Variants in MAGI3 observed in about 807,000 individuals in gnomAD.
The protein encoded by MAGI3 is membrane-associated guanylate kinase, WW and PDZ domain-containing protein 3.
Under a neutral mutation model 121.8 loss-of-function variants are expected in MAGI3, and 43 were observed. That is an observed-to-expected ratio of 0.35 (90% CI 0.28 to 0.46). The LOEUF (loss-of-function observed/expected upper bound fraction) is 0.46, where lower values mean the gene tolerates loss of function less well. Ranked by LOEUF, MAGI3 falls within the 20% of genes least tolerant of loss-of-function variation. The probability of loss-of-function intolerance (pLI) is 1.00; values close to 1 mark genes in which losing one functional copy is unlikely to be tolerated. For synonymous variants in MAGI3, 553 were observed against 639.3 expected, an observed-to-expected ratio of 0.86 and a Z score of 2.04; for missense variants, 1,547 against 1,797.3, an observed-to-expected ratio of 0.86 and a Z score of 2.52.
chr1:113,636,176 C>A (rs1007970663), intron 9 of MAGI3, among the ~76,000 whole-genome samples: 6 of 152,018 alleles, frequency 3.9e-5, no homozygotes, highest in African/African-American at 1.5e-4. Flanking sequence ...TTCAAAAAAC[C>A]AGCTCCTGGA....
chr1:113,551,378 G>GA (rs1195965670), intron 2 of MAGI3, among the ~76,000 whole-genome samples: 2 of 152,082 alleles, frequency 1.3e-5, no homozygotes, highest in South Asian at 4.1e-4. Context: ...ATAGGAAAGG[G>GA]AAAAAAATTT....
chr1:113,572,440 A>G (rs776112055), intron 2 of MAGI3, among the ~76,000 whole-genome samples: 13 of 151,832 alleles, frequency 8.6e-5, no homozygotes, highest in South Asian at 2.1e-4. Context: ...CTCTTTTTCT[A>G]TTGTTTGGAA....
At chr1:113,437,960 T>TGA in intron 1 of MAGI3, among the ~76,000 whole-genome samples, 1 of 148,552 alleles carries the variant, frequency 6.7e-6, no homozygotes, top group South Asian at 2.2e-4. Context: ...CTTCTTCTTT[T>TGA]CTTTTTTGAA....
intron 1 of MAGI3, among the ~76,000 whole-genome samples, chr1:113,530,989 T>C (rs1557806568): frequency 6.6e-6 from 1 of 152,166 alleles, no homozygotes; most frequent in African/African-American, 2.4e-5. Context: ...GAATATATTA[T>C]TTAAATGCAG....
At chr1:113,438,818 A>G (rs1057253028) in intron 1 of MAGI3, among the ~76,000 whole-genome samples, 1 of 152,234 alleles carries the variant, frequency 6.6e-6, no homozygotes, top group Non-Finnish European at 1.5e-5. Flanking sequence ...TCTAAACTCT[A>G]TCAGGTGCAG....
At chr1:113,581,025 GTAC>G (rs1278342029) in intron 3 of MAGI3, 2 of 153,612 alleles carry the variant, frequency 1.3e-5, no homozygotes, top group African/African-American at 4.8e-5. Context: ...AAACTTACAT[GTAC>G]CTTGACTATC....
chr1:113,568,812 G>A (rs1660537538), intron 2 of MAGI3, among the ~76,000 whole-genome samples: 1 of 152,006 alleles, frequency 6.6e-6, no homozygotes, highest in Non-Finnish European at 1.5e-5. Context: ...AAAGTCCTAG[G>A]TGTGAAAGGC....
At chr1:113,633,237 CATT>C (rs1651765981) in intron 9 of MAGI3, among the ~76,000 whole-genome samples, 18 of 91,956 alleles carry the variant, frequency 2.0e-4, no homozygotes, top group African/African-American at 7.4e-4. Context: ...ATGAACTCAT[CATT>C]TTTTTTTTTT....
chr1:113,644,101 G>C (rs925000991), intron 11 of MAGI3, among the ~76,000 whole-genome samples: 2 of 152,068 alleles, frequency 1.3e-5, no homozygotes, highest in African/African-American at 2.4e-5. Context: ...AGAGAAACAA[G>C]GTAGGAAGGA....
chr1:113,395,424 A>C (rs2101270704), intron 1 of MAGI3, among the ~76,000 whole-genome samples: 1 of 151,710 alleles, frequency 6.6e-6, no homozygotes, highest in East Asian at 1.9e-4. Flanking sequence ...TTAATAACTC[A>C]GGGGTTCAGG....
chr1:113,629,759 TCTCC>T (rs1310852147), intron 9 of MAGI3, among the ~76,000 whole-genome samples: 5 of 80,586 alleles, frequency 6.2e-5, no homozygotes, highest in Admixed American at 3.6e-4. Context: ...TCTCTCTCTC[TCTCC>T]CTCCCTCCCT....
chr1:113,552,353 T>C (rs920146061), intron 2 of MAGI3, among the ~76,000 whole-genome samples: 8 of 152,320 alleles, frequency 5.3e-5, no homozygotes, highest in African/African-American at 1.7e-4. Context: ...ACTCATTTTC[T>C]TTCCTTGACT....
Position 113,525,574 on chromosome 1 carries a change from A to G in MAGI3, c.317-23941A>G, listed in dbSNP as rs1658411811. Among the ~76,000 whole-genome samples the G allele has an allele frequency of 5.9e-5, 9 of 151,848 alleles. 1 individual carries two copies. ...TTAATAGTTAAATTATTTAACTATT[A>G]TATGAAATAATTTAACTATTAAATG... On this transcript the variant is annotated intron_variant, in intron 1 of 20. Coordinates refer to ENST00000307546, the MANE Select transcript of MAGI3 (RefSeq NM_001142782.2).
rs116182335 is a variant in MAGI3 at position 113,464,127 on chromosome 1, A to G, written c.316+72778A>G. 3.4e-3 allele frequency among the ~76,000 whole-genome samples: 525 copies of G among 152,190 alleles called. 4 individuals are homozygous for G. Among genetic ancestry groups the G allele is most frequent in the African/African-American group, 0.012 (493 of 41,550 alleles). ...TCTATCAAACCATATATTTGTACCT[A>G]TTAATCAACTCCTCTTCATCTCTTC... On this transcript the variant is annotated intron_variant, in intron 1 of 20. Coordinates refer to ENST00000307546, the MANE Select transcript of MAGI3 (RefSeq NM_001142782.2).
chr1:113,454,159 T>C (rs1045366641), intron 1 of MAGI3, among the ~76,000 whole-genome samples: 4 of 152,224 alleles, frequency 2.6e-5, no homozygotes, highest in Non-Finnish European at 1.5e-5. Context: ...TCAAATAGAA[T>C]TATAAATAAC....
chr1:113,517,237 G>C (rs1657966121), intron 1 of MAGI3, among the ~76,000 whole-genome samples: 1 of 151,788 alleles, frequency 6.6e-6, no homozygotes, highest in Admixed American at 6.6e-5. Flanking sequence ...ATAATATATT[G>C]ATAATAGGGG....
chr1:113,620,417 A>C (rs1460680888), intron 8 of MAGI3, among the ~76,000 whole-genome samples: 1 of 152,032 alleles, frequency 6.6e-6, no homozygotes, highest in Non-Finnish European at 1.5e-5. Flanking sequence ...ATCCCTCCCC[A>C]TCCCTTTTCC....
intron 1 of MAGI3, among the ~76,000 whole-genome samples, chr1:113,433,595 TGATA>T (rs1653410619): frequency 6.6e-6 from 1 of 152,218 alleles, no homozygotes; most frequent in Non-Finnish European, 1.5e-5. Context: ...TCCCATTCAT[TGATA>T]TTTAGTGACC....
At chr1:113,623,255 G>A (rs954292790) in intron 9 of MAGI3, among the ~76,000 whole-genome samples, 2 of 151,610 alleles carry the variant, frequency 1.3e-5, no homozygotes, top group African/African-American at 4.8e-5. Context: ...AGAAAATGTG[G>A]TATACATCTC....
Sources: gnomAD v4.1 joint callset for allele counts (sites outside exome capture counted in the v4.1 genomes callset) on GRCh38, gnomAD v4.1.1 for gene constraint, MANE v1.5 for transcripts, NCBI Gene and HGNC (gene_info 2026-07-23, HGNC 2026-07-21) for gene names.